The following LRRC7 variants were observed in gnomAD, a reference collection of about 807,000 sequenced individuals.
LRRC7 encodes the protein leucine-rich repeat-containing protein 7.
Under a neutral mutation model 175.7 loss-of-function variants are expected in LRRC7, and 23 were observed. The observed-to-expected ratio is 0.13, with a 90% CI of 0.09 to 0.19. LRRC7 has a LOEUF of 0.19. Among genes scored for constraint, LRRC7 ranks in the 10% least tolerant of loss-of-function variants. The probability of loss-of-function intolerance (pLI) is 1.00; values close to 1 mark genes in which losing one functional copy is unlikely to be tolerated. For missense variants in LRRC7, 1,354 were observed against 1,904.7 expected (o/e 0.71, Z 5.38); for synonymous variants, 685 against 680.9 (o/e 1.01, Z -0.09).
chr1:69,630,717 T>A (rs1307047444), intron 1 of LRRC7, among the ~76,000 whole-genome samples: 1 of 152,004 alleles, frequency 6.6e-6, no homozygotes, highest in African/African-American at 2.4e-5. Context: ...ACCCTTTTAT[T>A]TTTATATTTC....
At chr1:69,601,005 G>T (rs1441075948) in intron 1 of LRRC7, among the ~76,000 whole-genome samples, 1 of 151,860 alleles carries the variant, frequency 6.6e-6, no homozygotes, top group South Asian at 2.1e-4. Context: ...TAGTAGAGAC[G>T]GGGTTTCGCC....
intron 20 of LRRC7, 30 bp from the exon 21 acceptor site, chr1:70,038,083 T>C (rs1420888714): frequency 6.4e-7 from 1 of 1,557,344 alleles, no homozygotes; most frequent in African/African-American, 1.4e-5. Flanking sequence ...CTTCGTCCTT[T>C]TCAATTTCTT....
chr1:69,827,854 A>T (rs143266821), intron 5 of LRRC7, among the ~76,000 whole-genome samples: 1,547 of 152,176 alleles, frequency 0.01, 6 homozygotes, highest in Non-Finnish European at 0.015. Context: ...AATAAGATTA[A>T]TTCTATTTAG....
intron 4 of LRRC7, among the ~76,000 whole-genome samples, chr1:69,812,078 G>A (rs1570073774): frequency 6.6e-6 from 1 of 152,200 alleles, no homozygotes; most frequent in South Asian, 2.1e-4. Context: ...GAAAAATATA[G>A]AACAAATGGA....
At chr1:69,583,343 T>A (rs1331748528) in intron 1 of LRRC7, among the ~76,000 whole-genome samples, 1 of 152,078 alleles carries the variant, frequency 6.6e-6, no homozygotes, top group Non-Finnish European at 1.5e-5. Context: ...ATATGAAATA[T>A]AATCTAATTA....
At chr1:69,980,270 A>G (rs1369239125) in intron 8 of LRRC7, 109 bp from the exon 9 acceptor site, 4 of 951,910 alleles carry the variant, frequency 4.2e-6, no homozygotes, top group African/African-American at 3.3e-5. Context: ...TTAACACTAG[A>G]TTCCCAAATA....
At chr1:70,106,511 A>G (rs1463368202) in intron 25 of LRRC7, among the ~76,000 whole-genome samples, 4 of 152,220 alleles carry the variant, frequency 2.6e-5, no homozygotes, top group African/African-American at 7.2e-5. Flanking sequence ...TTCATTATAT[A>G]GATATATACC....
At chr1:69,611,795 G>C (rs1241857923) in intron 1 of LRRC7, among the ~76,000 whole-genome samples, 2 of 151,994 alleles carry the variant, frequency 1.3e-5, no homozygotes. Context: ...CAACAATGTG[G>C]CACTAAAGAT....
intron 11 of LRRC7, among the ~76,000 whole-genome samples, chr1:70,004,540 A>G (rs769142878): frequency 2.0e-4 from 30 of 152,154 alleles, no homozygotes; most frequent in Middle Eastern, 6.8e-3. Flanking sequence ...GCTGTCACCC[A>G]CTTTTGCTCA....
At chr1:69,799,514 T>A (rs185469366) in intron 4 of LRRC7, among the ~76,000 whole-genome samples, 25 of 152,246 alleles carry the variant, frequency 1.6e-4, no homozygotes, top group Non-Finnish European at 2.9e-4. Flanking sequence ...TCCACTTCCA[T>A]CCATGTTGCA....
chr1:69,578,640 T>C (rs1646059103), intron 1 of LRRC7, among the ~76,000 whole-genome samples: 1 of 151,560 alleles, frequency 6.6e-6, no homozygotes, highest in Admixed American at 6.6e-5. Flanking sequence ...ATGTCCTTTG[T>C]AGGGACATGG....
At chr1:69,965,034 T>TCAAATTCTTATATCTGA in intron 8 of LRRC7, among the ~76,000 whole-genome samples, 1 of 152,370 alleles carries the variant, frequency 6.6e-6, no homozygotes, top group East Asian at 1.9e-4. Flanking sequence ...CCTGTCAGTC[T>TCAAATTCTTATATCTGA]GAATTATATT....
chr1:69,690,208 A>G (rs1661670400), intron 2 of LRRC7, among the ~76,000 whole-genome samples: 1 of 152,152 alleles, frequency 6.6e-6, no homozygotes, highest in Non-Finnish European at 1.5e-5. Flanking sequence ...TTATTTTCCT[A>G]GCACCTCTGG....
At chr1:69,662,903 T>C (rs549392623) in intron 1 of LRRC7, among the ~76,000 whole-genome samples, 1 of 152,244 alleles carries the variant, frequency 6.6e-6, no homozygotes, top group Non-Finnish European at 1.5e-5. Context: ...GCAAGGCATG[T>C]GTCACTGCTT....
At chr1:69,594,559 G>A (rs1404178028) in intron 1 of LRRC7, among the ~76,000 whole-genome samples, 3 of 152,068 alleles carry the variant, frequency 2.0e-5, no homozygotes, top group African/African-American at 7.2e-5. Context: ...GCCTCTTGGG[G>A]CTTCATATTG....
At position 70,134,074 on chromosome 1, in the gene LRRC7, G is replaced by A. The variant is rs140843848; in HGVS notation, c.*12187G>A. ...CAATAACTAGGCATCTACAATAAACGCCTAATTTTTCATTTTATTTATGTG... is the reference window on the plus strand; with the variant it reads ...CAATAACTAGGCATCTACAATAAACACCTAATTTTTCATTTTATTTATGTG... On this transcript the variant is annotated 3_prime_UTR_variant, in exon 27 of 27. Coordinates refer to ENST00000651989, the MANE Select transcript of LRRC7 (RefSeq NM_001370785.2). Among the ~76,000 whole-genome samples, 7 of 152,228 alleles carry A rather than the reference G, an allele frequency of 4.6e-5. No individual in the cohort carries two copies. The highest frequency in any genetic ancestry group is 1.4e-4 in the African/African-American group (6 of 41,538).
At chr1:69,856,943 G>A (rs1001296194) in intron 7 of LRRC7, among the ~76,000 whole-genome samples, 9 of 152,108 alleles carry the variant, frequency 5.9e-5, no homozygotes, top group Non-Finnish European at 1.2e-4. Context: ...TCCCTGGGAC[G>A]CAAGGCTGGT....
intron 25 of LRRC7, among the ~76,000 whole-genome samples, chr1:70,101,399 C>T (rs369758150): frequency 1.1e-4 from 16 of 152,244 alleles, no homozygotes; most frequent in African/African-American, 3.1e-4. Context: ...ATATTTCATA[C>T]GTTGAAGTCA....
intron 4 of LRRC7, among the ~76,000 whole-genome samples, chr1:69,804,174 C>T (rs890688035): frequency 1.2e-4 from 18 of 151,264 alleles, no homozygotes; most frequent in Admixed American, 1.1e-3. Context: ...TTTGATGATA[C>T]TGAGTTCTTA....
Sources: allele counts gnomAD v4.1 joint callset (sites outside exome capture counted in the v4.1 genomes callset), GRCh38; gene constraint gnomAD v4.1.1; transcripts MANE v1.5; gene names NCBI Gene and HGNC (gene_info 2026-07-23, HGNC 2026-07-21).